The following ASTN1 variants were observed in gnomAD, a reference collection of about 807,000 sequenced individuals.
The protein encoded by ASTN1 is astrotactin-1.
In ASTN1, 41 loss-of-function variants were observed where a neutral mutation model predicts 140.7. That is an observed-to-expected ratio of 0.29 (90% CI 0.23 to 0.38). ASTN1 has a LOEUF of 0.38. Ranked by LOEUF, ASTN1 falls within the 10% of genes least tolerant of loss-of-function variation. ASTN1 has a pLI of 1.00. For missense variants in ASTN1, 1,479 were observed against 1,678.8 expected (o/e 0.88, Z 2.08); for synonymous variants, 640 against 652.2 (o/e 0.98, Z 0.29).
intron 14 of ASTN1, among the ~76,000 whole-genome samples, chr1:176,939,977 C>T (rs913081608): frequency 1.3e-5 from 2 of 151,982 alleles, no homozygotes; most frequent in Non-Finnish European, 2.9e-5. Context: ...ATGTATATTG[C>T]CCCAAAGTTC....
intron 1 of ASTN1, among the ~76,000 whole-genome samples, chr1:177,108,272 C>T (rs1558100708): frequency 1.3e-5 from 2 of 150,220 alleles, no homozygotes; most frequent in Non-Finnish European, 3.0e-5. Flanking sequence ...TCGCTTGGAC[C>T]CGGGAGGTGG....
At chr1:177,016,688 C>G (rs1202249381) in intron 7 of ASTN1, among the ~76,000 whole-genome samples, 1 of 152,104 alleles carries the variant, frequency 6.6e-6, no homozygotes, top group Non-Finnish European at 1.5e-5. Flanking sequence ...AGGGCAGAAA[C>G]AAGGAACGAG....
In ASTN1 at chr1:177,155,330, A is replaced by C. The variant is rs74129904; in HGVS notation, c.283+9064T>G. Among the ~76,000 whole-genome samples, 389 of 152,350 alleles carry C rather than the reference A, an allele frequency of 2.6e-3. 3 individuals are homozygous for C. The highest frequency in any genetic ancestry group is 9.1e-3 in the African/African-American group (380 of 41,574). On this transcript the variant is annotated intron_variant, in intron 1 of 22. Transcript: ENST00000361833. ...TGTGAACATTCATTAACTTTAGGGA[A>C]CAAACGGCCAACTTTATATGTGCAA...
intron 16 of ASTN1, among the ~76,000 whole-genome samples, chr1:176,917,324 C>T (rs1013999577): frequency 2.6e-5 from 4 of 152,190 alleles, no homozygotes; most frequent in Admixed American, 6.5e-5. Context: ...TGGAATGGAA[C>T]GCTTCCCAGG....
intron 6 of ASTN1, among the ~76,000 whole-genome samples, chr1:177,024,336 T>C (rs146373080): frequency 3.3e-5 from 5 of 152,226 alleles, no homozygotes; most frequent in African/African-American, 1.2e-4. Context: ...CAGAGACGTA[T>C]TAAAAACAAA....
chr1:176,871,220 AGACAAGAAGAG>A (rs1355511404), intron 21 of ASTN1, among the ~76,000 whole-genome samples: 2 of 152,122 alleles, frequency 1.3e-5, no homozygotes, highest in African/African-American at 4.8e-5. Context: ...TCTGAAGTTG[AGACAAGAAGAG>A]GCCAAGGGAC....
chr1:177,065,760 A>G (rs1333077919), intron 1 of ASTN1, among the ~76,000 whole-genome samples: 1 of 152,220 alleles, frequency 6.6e-6, no homozygotes, highest in Non-Finnish European at 1.5e-5. Flanking sequence ...TGCCCATTTA[A>G]GTAGTTCAGA....
At position 177,018,598 on chromosome 1, in the gene ASTN1, G is replaced by A. The variant is rs561604223; in HGVS notation, c.1439-3723C>T. On this transcript the variant is annotated intron_variant, in intron 7 of 22. Transcript: ENST00000361833. ...AGCTGGGAAGCCTATGCTCCTTGCA[G>A]AACCATAAAAGCTACATATCTTGAA... is the stretch of plus-strand genomic sequence containing the variant. Among the ~76,000 whole-genome samples, 4 of 152,312 alleles carry A rather than the reference G, an allele frequency of 2.6e-5. No individual in the cohort carries two copies. The South Asian group carries it at 8.3e-4, about 32-fold the overall frequency.
At chr1:177,034,702 T>C (rs1676626606) in intron 2 of ASTN1, among the ~76,000 whole-genome samples, 3 of 152,174 alleles carry the variant, frequency 2.0e-5, no homozygotes, top group Admixed American at 2.0e-4. Context: ...CATTTTTTTT[T>C]AGCAGAACCT....
chr1:177,137,872 T>C (rs1682271359), intron 1 of ASTN1, among the ~76,000 whole-genome samples: 1 of 152,174 alleles, frequency 6.6e-6, no homozygotes. Flanking sequence ...TCCAGTGTAT[T>C]GGAAAACATA....
At chr1:176,961,461 G>A (rs146495968) in intron 9 of ASTN1, among the ~76,000 whole-genome samples, 4 of 152,294 alleles carry the variant, frequency 2.6e-5, no homozygotes, top group Non-Finnish European at 4.4e-5. Flanking sequence ...AAAGGGGCAG[G>A]TGCTCTGTAG....
intron 2 of ASTN1, among the ~76,000 whole-genome samples, chr1:177,049,732 C>A (rs1677439544): frequency 6.6e-6 from 1 of 152,210 alleles, no homozygotes; most frequent in Admixed American, 6.5e-5. Context: ...GTGACGATAG[C>A]TGGGCCCACG....
chr1:176,978,362 G>A (rs116005097), intron 8 of ASTN1, among the ~76,000 whole-genome samples: 241 of 152,328 alleles, frequency 1.6e-3, no homozygotes, highest in African/African-American at 5.7e-3. Context: ...AAATGGGAAA[G>A]AGAAACCCAG....
rs1667960737 is a variant in ASTN1, at chr1:176,861,513, G to A, written c.*2771C>T. On this transcript the variant is annotated 3_prime_UTR_variant, in exon 23 of 23. Transcript: ENST00000361833. ...AGCCAGGATGGGTTCCTTCAGGTAAGCATTAGGAAAAGTCAGCAGGTTGAG... is the reference window on the plus strand; with the variant it reads ...AGCCAGGATGGGTTCCTTCAGGTAAACATTAGGAAAAGTCAGCAGGTTGAG... The A allele has an allele frequency of 2.0e-6, 2 of 985,776 alleles. No individual in the cohort carries two copies. The highest frequency in any genetic ancestry group is 2.4e-6 in the Non-Finnish European group (2 of 829,972). 61.1% of individuals were successfully genotyped at this position (985,776 alleles called of 1,614,324 possible). A position where few individuals can be genotyped will look rare whatever the true frequency, so the allele number is the denominator to read the frequency against.
intron 1 of ASTN1, among the ~76,000 whole-genome samples, chr1:177,091,326 C>T (rs988262634): frequency 2.6e-5 from 4 of 152,192 alleles, no homozygotes. Flanking sequence ...TGAACTAAAG[C>T]CTGGAATTAT....
At chr1:177,055,036 A>T (rs1677731264) in intron 2 of ASTN1, among the ~76,000 whole-genome samples, 1 of 152,166 alleles carries the variant, frequency 6.6e-6, no homozygotes, top group Admixed American at 6.5e-5. Context: ...TCTGCAGTAC[A>T]ACTCTATTAC....
chr1:176,911,500 C>G (rs1427808464), intron 16 of ASTN1, among the ~76,000 whole-genome samples: 2 of 151,934 alleles, frequency 1.3e-5, no homozygotes, highest in Non-Finnish European at 2.9e-5. Context: ...TCTTTATACA[C>G]TATTGTATAT....
intron 1 of ASTN1, among the ~76,000 whole-genome samples, chr1:177,102,545 A>T (rs1226918058): frequency 6.6e-6 from 1 of 152,184 alleles, no homozygotes; most frequent in Non-Finnish European, 1.5e-5. Context: ...GAATATTCCA[A>T]ATGCAGGGAA....
intron 1 of ASTN1, among the ~76,000 whole-genome samples, chr1:177,114,790 T>A (rs1033492461): frequency 2.0e-5 from 3 of 152,200 alleles, no homozygotes; most frequent in African/African-American, 7.2e-5. Flanking sequence ...AAATCAATGT[T>A]TTAAATGTCC....
Sources: gnomAD v4.1 joint callset for allele counts (sites outside exome capture counted in the v4.1 genomes callset) on GRCh38, gnomAD v4.1.1 for gene constraint, MANE v1.5 for transcripts, NCBI Gene and HGNC (gene_info 2026-07-23, HGNC 2026-07-21) for gene names.